The following GABRB1 variants were observed in gnomAD, a reference collection of about 807,000 sequenced individuals.
GABRB1 encodes gamma-aminobutyric acid type A receptor subunit beta1, also known as gamma-aminobutyric acid receptor subunit beta-1.
Under a neutral mutation model 51.6 loss-of-function variants are expected in GABRB1, and 17 were observed. That is an observed-to-expected ratio of 0.33 (90% CI 0.23 to 0.49). The LOEUF is 0.49. Ranked by LOEUF, GABRB1 falls within the 20% of genes least tolerant of loss-of-function variation. The pLI is 0.99. For missense variants in GABRB1, 410 were observed against 600.6 expected (o/e 0.68, Z 3.32); for synonymous variants, 247 against 218.9 (o/e 1.13, Z -1.14).
intron 5 of GABRB1, among the ~76,000 whole-genome samples, chr4:47,385,422 G>A (rs150706194): frequency 2.0e-5 from 3 of 152,240 alleles, no homozygotes; most frequent in African/African-American, 7.2e-5. Flanking sequence ...AAGAAGGGAG[G>A]TGCCGAGAAT....
intron 5 of GABRB1, among the ~76,000 whole-genome samples, chr4:47,397,027 T>C (rs879894926): frequency 6.6e-6 from 1 of 152,168 alleles, no homozygotes; most frequent in African/African-American, 2.4e-5. Context: ...TTGTAGAAGT[T>C]TTTTATATAT....
chr4:47,405,697 T>C (rs913384553), intron 7 of GABRB1, among the ~76,000 whole-genome samples: 9 of 152,296 alleles, frequency 5.9e-5, no homozygotes, highest in African/African-American at 2.2e-4. Context: ...AGATAATTTA[T>C]AACTGTAAGT....
At chr4:47,196,094 C>A (rs758689908) in intron 4 of GABRB1, among the ~76,000 whole-genome samples, 5 of 152,112 alleles carry the variant, frequency 3.3e-5, no homozygotes, top group African/African-American at 1.2e-4. Context: ...ATAGTGTATC[C>A]TAAAAGGAAC....
intron 5 of GABRB1, among the ~76,000 whole-genome samples, chr4:47,335,825 C>T (rs958843890): frequency 1.3e-5 from 2 of 152,062 alleles, no homozygotes; most frequent in South Asian, 2.1e-4. Context: ...TCACATGCCA[C>T]GAAGACCATG....
In GABRB1 at chr4:47,062,396, T is replaced by A. The variant is rs149586858; in HGVS notation, c.240+29912T>A. On this transcript the variant is annotated intron_variant, in intron 3 of 8. Coordinates refer to ENST00000295454, the MANE Select transcript of GABRB1 (RefSeq NM_000812.4). ...TTTACATCAGAAAATGTTATGCCTT[T>A]CTCTAGATAATTTGGCTTATCTACA... Among the ~76,000 whole-genome samples, 57 of 151,424 alleles carry A rather than the reference T, an allele frequency of 3.8e-4. No homozygotes were observed. In the East Asian group the frequency reaches 8.1e-3, roughly 22 times the overall value.
intron 3 of GABRB1, among the ~76,000 whole-genome samples, chr4:47,122,044 C>T (rs1430866890): frequency 6.6e-6 from 1 of 152,006 alleles, no homozygotes; most frequent in Non-Finnish European, 1.5e-5. Flanking sequence ...ATATCCTTAA[C>T]TCCTCTCTAG....
rs2109342584 is a variant in GABRB1, at chr4:47,426,412, A to C, written c.*394A>C. Reference sequence around the variant, plus strand: ...CCTGCACTGCTTCCTGGTAAACTATAACAAACTTATGCTGCCAAAAAAAAA... The same window carrying C: ...CCTGCACTGCTTCCTGGTAAACTATCACAAACTTATGCTGCCAAAAAAAAA... On this transcript the variant is annotated 3_prime_UTR_variant, in exon 9 of 9. Coordinates refer to ENST00000295454, the MANE Select transcript of GABRB1 (RefSeq NM_000812.4). The C allele has an allele frequency of 6.6e-6, 1 of 151,616 alleles. No individual in the cohort carries two copies. The highest frequency in any genetic ancestry group is 2.5e-5 in the African/African-American group (1 of 39,504). 9.4% of individuals were successfully genotyped at this position (151,616 alleles called of 1,614,324 possible).
intron 5 of GABRB1, among the ~76,000 whole-genome samples, chr4:47,396,419 A>G (rs1728182965): frequency 6.6e-6 from 1 of 152,214 alleles, no homozygotes; most frequent in Non-Finnish European, 1.5e-5. Flanking sequence ...GAGCCAAACC[A>G]TATCAGGGGA....
chr4:47,261,826 T>C (rs1379940834), intron 4 of GABRB1, among the ~76,000 whole-genome samples: 2 of 152,206 alleles, frequency 1.3e-5, no homozygotes, highest in Non-Finnish European at 2.9e-5. Flanking sequence ...AACAGCATGG[T>C]ACTTTTACCA....
At chr4:47,309,332 A>G (rs1213363099) in intron 4 of GABRB1, among the ~76,000 whole-genome samples, 1 of 152,022 alleles carries the variant, frequency 6.6e-6, no homozygotes, top group East Asian at 1.9e-4. Context: ...AAAGTGGTTC[A>G]TGAATCACCC....
At chr4:47,307,314 G>T (rs952293755) in intron 4 of GABRB1, among the ~76,000 whole-genome samples, 1 of 151,892 alleles carries the variant, frequency 6.6e-6, no homozygotes, top group African/African-American at 2.4e-5. Context: ...ATTTTGTTTT[G>T]TAGCTTTTAA....
intron 4 of GABRB1, among the ~76,000 whole-genome samples, chr4:47,198,412 G>C (rs1719775539): frequency 6.6e-6 from 1 of 152,198 alleles, no homozygotes; most frequent in Admixed American, 6.5e-5. Context: ...AAAAGGCGTA[G>C]ATTGTCTTGA....
At chr4:47,327,320 A>C (rs1725296192) in intron 5 of GABRB1, among the ~76,000 whole-genome samples, 1 of 151,292 alleles carries the variant, frequency 6.6e-6, no homozygotes, top group Admixed American at 6.6e-5. Context: ...GTGAAACCGT[A>C]TCGCTTAAAA....
intron 1 of GABRB1, among the ~76,000 whole-genome samples, chr4:47,016,917 A>T (rs541318502): frequency 1.8e-4 from 28 of 152,252 alleles, no homozygotes; most frequent in Admixed American, 1.8e-3. Flanking sequence ...GAGCAAAATG[A>T]TGTTTTTCGG....
chr4:47,114,397 A>T (rs536446338), intron 3 of GABRB1, among the ~76,000 whole-genome samples: 32 of 152,296 alleles, frequency 2.1e-4, no homozygotes, highest in Non-Finnish European at 4.4e-4. Flanking sequence ...TGGTGTCCCT[A>T]CATATCAAGG....
chr4:47,370,751 A>T (rs1324553451), intron 5 of GABRB1, among the ~76,000 whole-genome samples: 1 of 152,174 alleles, frequency 6.6e-6, no homozygotes, highest in Non-Finnish European at 1.5e-5. Flanking sequence ...CAGGGTTTAC[A>T]GTAAGTAGTT....
chr4:47,231,762 C>G (rs945370727), intron 4 of GABRB1, among the ~76,000 whole-genome samples: 1 of 152,098 alleles, frequency 6.6e-6, no homozygotes, highest in East Asian at 1.9e-4. Context: ...CTGTGAAAGC[C>G]TATTGTTAGA....
At chr4:47,273,756 G>A (rs1194600501) in intron 4 of GABRB1, among the ~76,000 whole-genome samples, 5 of 151,712 alleles carry the variant, frequency 3.3e-5, no homozygotes, top group Non-Finnish European at 7.4e-5. Flanking sequence ...ACACAGATGA[G>A]GGCATCCCAC....
chr4:47,342,040 A>G (rs1314312490), intron 5 of GABRB1, among the ~76,000 whole-genome samples: 1 of 152,224 alleles, frequency 6.6e-6, no homozygotes, highest in Non-Finnish European at 1.5e-5. Flanking sequence ...TCAAACTCAC[A>G]CAGTTAGTTA....
Sources: allele counts gnomAD v4.1 joint callset (sites outside exome capture counted in the v4.1 genomes callset), GRCh38; gene constraint gnomAD v4.1.1; transcripts MANE v1.5; gene names NCBI Gene and HGNC (gene_info 2026-07-23, HGNC 2026-07-21).